The following CHD2 variants were observed in gnomAD, a reference collection of about 807,000 sequenced individuals.
The protein encoded by CHD2 is ATP-dependent chromatin remodeler CHD2.
In CHD2, 28 loss-of-function variants were observed where a neutral mutation model predicts 243.9. That is an observed-to-expected ratio of 0.11 (90% CI 0.09 to 0.16). CHD2 has a LOEUF of 0.16. CHD2 is among the 10% of genes least tolerant of loss of function. The pLI is 1.00. For missense variants in CHD2, 1,386 were observed against 2,209.8 expected (o/e 0.63, Z 7.47); for synonymous variants, 775 against 779.0 (o/e 0.99, Z 0.09).
intron 38 of CHD2, 53 bp downstream of exon 38, chr15:93,020,311 C>T: frequency 6.2e-7 from 1 of 1,610,176 alleles, no homozygotes; most frequent in Admixed American, 1.7e-5. Flanking sequence ...GGAGCTGTTT[C>T]TAGGGAGAAA....
rs145629575 is a variant in CHD2, at chr15:93,020,580, C to G, written c.5153+322C>G. 5.7e-6 allele frequency: 3 copies of G among 528,174 alleles called. No homozygotes were observed. The African/African-American group carries it at 5.7e-5, about 10-fold the overall frequency. The allele number at this position is 528,174 out of a possible 1,614,324, so 32.7% of individuals were successfully genotyped here. On this transcript the variant is annotated intron_variant, in intron 38 of 38. Transcript: ENST00000394196. ...CGAGGCTGTCAGCCACACTAGGTAT[C>G]AGGGATCCCGAGATGGGTACCAGCC...
At chr15:92,962,841 G>GT (rs1186640046) in intron 16 of CHD2, among the ~76,000 whole-genome samples, 1 of 152,074 alleles carries the variant, frequency 6.6e-6, no homozygotes, top group African/African-American at 2.4e-5. Flanking sequence ...CATAACTTTT[G>GT]TATGTTCCTG....
At chr15:93,020,430 T>C (rs2054520297) in intron 38 of CHD2, 172 bp downstream of exon 38, 27 of 834,666 alleles carry the variant, frequency 3.2e-5, no homozygotes, top group Non-Finnish European at 4.8e-5. Context: ...TGTTTTGTTT[T>C]GTGGGTCATA....
chr15:92,939,153 T>TATAC (rs1472762685), intron 6 of CHD2, among the ~76,000 whole-genome samples: 2 of 152,240 alleles, frequency 1.3e-5, no homozygotes, highest in Admixed American at 6.5e-5. Flanking sequence ...GTGAATACTT[T>TATAC]ATTATGCCTG....
intron 17 of CHD2, among the ~76,000 whole-genome samples, chr15:92,967,743 G>T (rs1053200364): frequency 6.6e-6 from 1 of 151,860 alleles, no homozygotes; most frequent in African/African-American, 2.4e-5. Context: ...TGGTCAGGCT[G>T]GTCTTGAACT....
At chr15:93,011,616 C>A (rs1230896601) in intron 35 of CHD2, among the ~76,000 whole-genome samples, 6 of 152,138 alleles carry the variant, frequency 3.9e-5, no homozygotes, top group Admixed American at 6.5e-5. Context: ...GGTGAAACTA[C>A]CTGTTAGGAA....
At chr15:93,012,687 T>G (rs2054408035) in intron 36 of CHD2, among the ~76,000 whole-genome samples, 1 of 152,208 alleles carries the variant, frequency 6.6e-6, no homozygotes, top group South Asian at 2.1e-4. Context: ...TTCACCAGGT[T>G]TTTTCTTCCA....
chr15:92,985,226 A>G (rs1222178891), intron 25 of CHD2, among the ~76,000 whole-genome samples: 1 of 152,236 alleles, frequency 6.6e-6, no homozygotes, highest in Non-Finnish European at 1.5e-5. Context: ...AGGAGTAAAC[A>G]TGAACCTGTT....
chr15:92,939,496 T>C, intron 6 of CHD2, 82 bp from the exon 7 acceptor site: 1 of 1,429,760 alleles, frequency 7.0e-7, no homozygotes, highest in East Asian at 2.4e-5. Context: ...TATGAACCAC[T>C]GCTCTGGGAA....
At chr15:92,940,947 A>AT (rs2053366637) in intron 7 of CHD2, among the ~76,000 whole-genome samples, 2 of 130,046 alleles carry the variant, frequency 1.5e-5, no homozygotes, top group African/African-American at 5.8e-5. Context: ...AAATATATAT[A>AT]AATATAAATA....
At chr15:92,924,871 G>A (rs2053028677) in intron 3 of CHD2, among the ~76,000 whole-genome samples, 1 of 152,048 alleles carries the variant, frequency 6.6e-6, no homozygotes, top group Non-Finnish European at 1.5e-5. Context: ...CACGATCTTG[G>A]CTCACTGCAA....
intron 3 of CHD2, among the ~76,000 whole-genome samples, chr15:92,926,497 G>C (rs1319234085): frequency 6.6e-6 from 1 of 152,172 alleles, no homozygotes; most frequent in African/African-American, 2.4e-5. Flanking sequence ...AAAGAATACA[G>C]AATATACTTA....
chr15:93,007,743 T>C (rs1381972158), intron 34 of CHD2, among the ~76,000 whole-genome samples: 1 of 152,212 alleles, frequency 6.6e-6, no homozygotes, highest in African/African-American at 2.4e-5. Flanking sequence ...ATTTCTTGTG[T>C]TTGGATATCG....
intron 7 of CHD2, among the ~76,000 whole-genome samples, 153 bp from the exon 8 acceptor site, chr15:92,941,668 AG>A: frequency 6.6e-6 from 1 of 152,364 alleles, no homozygotes; most frequent in African/African-American, 2.4e-5. Flanking sequence ...AGGAAAAAAA[AG>A]TAAGCTTTGA....
intron 16 of CHD2, among the ~76,000 whole-genome samples, chr15:92,962,260 A>G (rs556847245): frequency 6.6e-6 from 1 of 151,690 alleles, no homozygotes; most frequent in African/African-American, 2.4e-5. Context: ...TTTTTCTCTT[A>G]AGATACAGTT....
At chr15:93,010,958 A>G (rs1158730288) in intron 35 of CHD2, among the ~76,000 whole-genome samples, 1 of 152,198 alleles carries the variant, frequency 6.6e-6, no homozygotes, top group Non-Finnish European at 1.5e-5. Context: ...CTTCTGCATG[A>G]TGGTGTCCAC....
intron 34 of CHD2, among the ~76,000 whole-genome samples, chr15:93,005,114 A>G (rs1034199869): frequency 6.6e-6 from 1 of 152,184 alleles, no homozygotes; most frequent in African/African-American, 2.4e-5. Context: ...AACCATTTCT[A>G]TCATCGTAAA....
chr15:92,977,704 G>T (rs1416894311), intron 20 of CHD2, among the ~76,000 whole-genome samples: 2 of 152,112 alleles, frequency 1.3e-5, no homozygotes, highest in Non-Finnish European at 2.9e-5. Context: ...GGCATGTTTT[G>T]TGGTAATTGA....
chr15:92,955,423 A>T lies in CHD2; in HGVS notation c.1720A>T (p.Ile574Leu). 1 of 1,565,396 alleles carries T rather than the reference A, an allele frequency of 6.4e-7. No individual in the cohort carries two copies. The part of the protein sequence containing the change: ...YIGDLMSRNT[I>L]REYEWIHSQT... ...TCTTAATTATGTTTTTTTCTTATAG[A>T]TACGGGAATATGAATGGATTCATTC... Residue 574 changes from isoleucine (I) to leucine (L), a missense_variant and splice_region_variant, in exon 15 of 39, where the codon ATA (isoleucine) becomes TTA (leucine). By Grantham distance (5) the Ile-to-Leu change is conservative. Transcript: ENST00000394196.
Sources: allele counts gnomAD v4.1 joint callset (sites outside exome capture counted in the v4.1 genomes callset), GRCh38; gene constraint gnomAD v4.1.1; transcripts MANE v1.5; gene names NCBI Gene and HGNC (gene_info 2026-07-23, HGNC 2026-07-21).